The following KALRN variants were observed in gnomAD, a reference collection of about 807,000 sequenced individuals.
KALRN encodes kalirin.
Under a neutral mutation model 353.7 loss-of-function variants are expected in KALRN, and 70 were observed. The ratio of observed to expected loss-of-function variants is 0.20; its 90% CI spans 0.16 to 0.24. KALRN has a LOEUF of 0.24. KALRN is among the 10% of genes least tolerant of loss of function. The pLI is 1.00. For synonymous variants in KALRN, 1,391 were observed against 1,434.8 expected (o/e 0.97, Z 0.69); for missense variants, 2,791 against 3,756.7 (o/e 0.74, Z 6.72).
In KALRN at chr3:124,667,035, G is replaced by A. The variant is rs199695356; in HGVS notation, c.6555G>A (p.Glu2185=). The change falls in exon 47 of 60, where the codon GAG becomes GAA. Residue 2185 remains glutamate, a synonymous_variant. Coordinates refer to ENST00000682506, the MANE Select transcript of KALRN (RefSeq NM_001388419.1). ...AGATGAATTACTTGGTCCTGGAGGAGAATGTGGACAATGATCCCTGCAAGT... is the reference window on the plus strand; with the variant it reads ...AGATGAATTACTTGGTCCTGGAGGAAAATGTGGACAATGATCCCTGCAAGT... ...SIKMNYLVLE[E]NVDNDPCKFA... 1.2e-5 allele frequency: 20 copies of A among 1,611,716 alleles called. No individual in the cohort carries two copies. The Admixed American group carries it at 3.3e-4, about 27-fold the overall frequency.
At chr3:124,389,088 T>A (rs1334328495) in intron 11 of KALRN, among the ~76,000 whole-genome samples, 2 of 152,214 alleles carry the variant, frequency 1.3e-5, no homozygotes, top group Non-Finnish European at 2.9e-5. Context: ...GTACTGCTGA[T>A]AAATACTGTT....
intron 7 of KALRN, among the ~76,000 whole-genome samples, chr3:124,327,999 C>T (rs144223198): frequency 1.3e-3 from 200 of 152,306 alleles, no homozygotes; most frequent in African/African-American, 2.7e-3. Context: ...AGATACAACA[C>T]GAGAGATGGA....
intron 34 of KALRN, among the ~76,000 whole-genome samples, chr3:124,589,110 T>C (rs2075513456): frequency 6.6e-6 from 1 of 152,188 alleles, no homozygotes; most frequent in East Asian, 1.9e-4. Context: ...CAAAGGCATT[T>C]TTATCTATAA....
At chr3:124,187,644 T>C (rs949465043) in intron 1 of KALRN, among the ~76,000 whole-genome samples, 1 of 152,204 alleles carries the variant, frequency 6.6e-6, no homozygotes, top group Admixed American at 6.5e-5. Context: ...TCTGAAAGTA[T>C]CTTTAGCAAG....
chr3:124,718,243 C>T (rs1025758211), intron 59 of KALRN, among the ~76,000 whole-genome samples: 1 of 151,464 alleles, frequency 6.6e-6, no homozygotes, highest in Admixed American at 6.6e-5. Flanking sequence ...GCCTCAGCCT[C>T]TTGAGTAGCT....
chr3:124,629,074 G>A (rs535843193), intron 34 of KALRN, among the ~76,000 whole-genome samples: 2 of 152,134 alleles, frequency 1.3e-5, no homozygotes, highest in African/African-American at 2.4e-5. Flanking sequence ...ACCTAGTCCT[G>A]TGTTTGATTT....
At chr3:124,506,330 T>C (rs1170581902) in intron 33 of KALRN, among the ~76,000 whole-genome samples, 2 of 152,190 alleles carry the variant, frequency 1.3e-5, no homozygotes, top group African/African-American at 4.8e-5. Flanking sequence ...TCTCCCGCCA[T>C]GTCCCATGCA....
intron 1 of KALRN, among the ~76,000 whole-genome samples, chr3:124,120,503 C>G (rs1018629743): frequency 6.6e-6 from 1 of 152,010 alleles, no homozygotes; most frequent in South Asian, 2.1e-4. Context: ...TTGCCTTAGA[C>G]TTCCCATTTT....
At chr3:124,426,561 T>C (rs1470975475) in intron 15 of KALRN, among the ~76,000 whole-genome samples, 2 of 152,230 alleles carry the variant, frequency 1.3e-5, no homozygotes, top group Admixed American at 6.5e-5. Flanking sequence ...CTAAAAATTA[T>C]GTTAATGGAC....
chr3:124,310,334 C>A (rs1459279361), intron 6 of KALRN, among the ~76,000 whole-genome samples: 3 of 152,154 alleles, frequency 2.0e-5, no homozygotes, highest in Non-Finnish European at 4.4e-5. Context: ...GATGGCAATA[C>A]TCCTCAAATC....
intron 10 of KALRN, among the ~76,000 whole-genome samples, chr3:124,371,028 C>G (rs773754118): frequency 6.6e-5 from 10 of 152,180 alleles, no homozygotes; most frequent in Non-Finnish European, 1.5e-4. Flanking sequence ...TTTTATAAAG[C>G]ATAAATAATT....
intron 1 of KALRN, among the ~76,000 whole-genome samples, chr3:124,127,574 T>A (rs971985584): frequency 6.6e-6 from 1 of 152,198 alleles, no homozygotes; most frequent in Non-Finnish European, 1.5e-5. Flanking sequence ...ATGAATGAGA[T>A]CTTAGAGTCC....
At chr3:124,662,193 CTTTTTTT>C (rs10549005) in intron 45 of KALRN, among the ~76,000 whole-genome samples, 15,682 of 96,544 alleles carry the variant, frequency 0.16, 1,084 homozygotes, top group Middle Eastern at 0.3. Context: ...ACCCAGAATT[CTTTTTTT>C]TTTTTTTTTT....
intron 1 of KALRN, chr3:124,133,165 AT>A (rs1400955836): frequency 2.0e-5 from 3 of 152,214 alleles, no homozygotes; most frequent in South Asian, 2.1e-4. Flanking sequence ...ATTAAAAAAA[AT>A]ATATCCTTAG....
chr3:124,293,622 A>G (rs1035047303), intron 5 of KALRN, among the ~76,000 whole-genome samples: 9 of 152,174 alleles, frequency 5.9e-5, no homozygotes, highest in African/African-American at 1.9e-4. Flanking sequence ...ACAAAACCCC[A>G]AAAGAAAAGG....
rs537457657 is a variant in KALRN at position 124,594,366 on chromosome 3, C to T, written c.5182+31277C>T. On this transcript the variant is annotated intron_variant, in intron 34 of 59. Transcript: ENST00000682506. Reference sequence around the variant, plus strand: ...TCAGCCTCCCAAGTAGCTGGGACTACAGGCGTGCGCCACCACGCCCAACTG... The same window carrying T: ...TCAGCCTCCCAAGTAGCTGGGACTATAGGCGTGCGCCACCACGCCCAACTG... Among the ~76,000 whole-genome samples, 6 of 152,326 alleles carry T rather than the reference C, an allele frequency of 3.9e-5. No individual in the cohort carries two copies. In the East Asian group the frequency reaches 1.2e-3, roughly 29 times the overall value.
At chr3:124,494,396 G>A (rs969572819) in intron 32 of KALRN, among the ~76,000 whole-genome samples, 1 of 152,218 alleles carries the variant, frequency 6.6e-6, no homozygotes, top group Non-Finnish European at 1.5e-5. Context: ...GGACCAGAAG[G>A]GCCCACCATG....
At chr3:124,330,597 A>G (rs1395907670) in intron 8 of KALRN, among the ~76,000 whole-genome samples, 2 of 152,224 alleles carry the variant, frequency 1.3e-5, no homozygotes, top group Non-Finnish European at 2.9e-5. Flanking sequence ...TAAAGTTAAG[A>G]AAGGGAAAAA....
At chr3:124,297,580 G>A (rs571148161) in intron 5 of KALRN, among the ~76,000 whole-genome samples, 2 of 152,310 alleles carry the variant, frequency 1.3e-5, no homozygotes, top group East Asian at 1.9e-4. Context: ...CTTCCAGTCC[G>A]CATCCCCTTG....
Sources: gnomAD v4.1 joint callset for allele counts (sites outside exome capture counted in the v4.1 genomes callset) on GRCh38, gnomAD v4.1.1 for gene constraint, MANE v1.5 for transcripts, NCBI Gene and HGNC (gene_info 2026-07-23, HGNC 2026-07-21) for gene names.